The following PCDH7 variants were observed in gnomAD, a reference collection of about 807,000 sequenced individuals.
PCDH7 encodes protocadherin-7.
In PCDH7, 17 loss-of-function variants were observed where a neutral mutation model predicts 58.9. That is an observed-to-expected ratio of 0.29 (90% CI 0.20 to 0.43). The LOEUF is 0.43. PCDH7 is among the 20% of genes least tolerant of loss of function. PCDH7 has a pLI of 1.00. For missense variants in PCDH7, 1,274 were observed against 1,441.0 expected (o/e 0.88, Z 1.88); for synonymous variants, 664 against 616.4 (o/e 1.08, Z -1.14).
intron 3 of PCDH7, among the ~76,000 whole-genome samples, chr4:31,052,666 T>C (rs1756851725): frequency 6.6e-6 from 1 of 152,066 alleles, no homozygotes; most frequent in Admixed American, 6.6e-5. Flanking sequence ...ATCCTGAAAA[T>C]CTATCTGCAT....
chr4:30,760,492 C>G (rs1205123475), intron 1 of PCDH7, among the ~76,000 whole-genome samples: 1 of 152,128 alleles, frequency 6.6e-6, no homozygotes, highest in Non-Finnish European at 1.5e-5. Flanking sequence ...GCAACTTTAG[C>G]AAAGTCTCAA....
intron 1 of PCDH7, among the ~76,000 whole-genome samples, chr4:30,805,120 G>T (rs996194843): frequency 6.6e-6 from 1 of 152,088 alleles, no homozygotes; most frequent in African/African-American, 2.4e-5. Context: ...CTCCTTAATT[G>T]CTGACTACAT....
intron 1 of PCDH7, among the ~76,000 whole-genome samples, chr4:30,773,835 T>C (rs998419883): frequency 6.6e-6 from 1 of 152,136 alleles, no homozygotes; most frequent in Non-Finnish European, 1.5e-5. Context: ...TCTGACCACA[T>C]AATTCTGTGG....
chr4:30,920,409 GTGAGCC>G (rs1483158042), intron 2 of PCDH7, 40 bp downstream of exon 2: 1 of 1,330,326 alleles, frequency 7.5e-7, no homozygotes, highest in Non-Finnish European at 1.0e-6. Flanking sequence ...AATCACGCTA[GTGAGCC>G]GTAATAAGTA....
chr4:30,978,649 T>G (rs1750284205), intron 3 of PCDH7, among the ~76,000 whole-genome samples: 1 of 152,170 alleles, frequency 6.6e-6, no homozygotes, highest in South Asian at 2.1e-4. Context: ...ATTTTAAAAG[T>G]TGTTGTGACT....
At chr4:30,745,796 G>A (rs569986557) in intron 1 of PCDH7, among the ~76,000 whole-genome samples, 47 of 151,948 alleles carry the variant, frequency 3.1e-4, no homozygotes, top group African/African-American at 1.0e-3. Context: ...GTGTGTGTGC[G>A]TGCATGCACA....
chr4:31,109,020 TC>T (rs1715954318), intron 3 of PCDH7, among the ~76,000 whole-genome samples: 1 of 152,142 alleles, frequency 6.6e-6, no homozygotes, highest in African/African-American at 2.4e-5. Context: ...ATTTGTCCTT[TC>T]CTGGGACAAC....
intron 3 of PCDH7, among the ~76,000 whole-genome samples, chr4:31,015,319 A>T (rs1221644490): frequency 6.6e-6 from 1 of 152,200 alleles, no homozygotes; most frequent in South Asian, 2.1e-4. Context: ...TGCCAAGTCC[A>T]TGACAGTTGT....
At chr4:31,094,360 T>C (rs939688972) in intron 3 of PCDH7, among the ~76,000 whole-genome samples, 13 of 152,120 alleles carry the variant, frequency 8.5e-5, no homozygotes, top group Admixed American at 8.5e-4. Context: ...AAATGACAGA[T>C]TGCTCTATGA....
At chr4:30,944,886 T>C (rs1303549375) in intron 2 of PCDH7, among the ~76,000 whole-genome samples, 3 of 152,142 alleles carry the variant, frequency 2.0e-5, no homozygotes, top group Admixed American at 6.6e-5. Flanking sequence ...GGTTATGCTA[T>C]TGTGGTTATA....
intron 1 of PCDH7, among the ~76,000 whole-genome samples, chr4:30,910,951 A>G (rs1393587516): frequency 6.6e-6 from 1 of 152,194 alleles, no homozygotes. Context: ...ACTGTGGCAC[A>G]TACACACCAT....
chr4:31,129,891 G>A lies in PCDH7; in HGVS notation c.*8-12582G>A, dbSNP rs903241373. Reference sequence around the variant, plus strand: ...GATCCACCCACCTCGGCCTCCCAAAGTGTTGGGATTACAGTCACGAGCCAC... The same window carrying A: ...GATCCACCCACCTCGGCCTCCCAAAATGTTGGGATTACAGTCACGAGCCAC... On this transcript the variant is annotated intron_variant, in intron 3 of 3. Transcript: ENST00000509759. Among the ~76,000 whole-genome samples, 3 of 151,786 alleles carry A rather than the reference G, an allele frequency of 2.0e-5. 1 individual carries two copies. Among genetic ancestry groups the A allele is most frequent in the African/African-American group, 7.3e-5 (3 of 41,268 alleles).
chr4:30,917,584 A>T (rs910401834), intron 1 of PCDH7, among the ~76,000 whole-genome samples: 1 of 151,970 alleles, frequency 6.6e-6, no homozygotes, highest in African/African-American at 2.4e-5. Context: ...GAAAGAATTG[A>T]TGGATCTAAG....
At chr4:30,862,406 A>G (rs1196312305) in intron 1 of PCDH7, among the ~76,000 whole-genome samples, 1 of 152,172 alleles carries the variant, frequency 6.6e-6, no homozygotes, top group Non-Finnish European at 1.5e-5. Flanking sequence ...CTACATCCAC[A>G]ATGTAGAACA....
intron 1 of PCDH7, among the ~76,000 whole-genome samples, chr4:30,880,620 C>G (rs1021841026): frequency 6.6e-6 from 1 of 152,170 alleles, no homozygotes; most frequent in Non-Finnish European, 1.5e-5. Flanking sequence ...GTTCTATCTT[C>G]TTGCCTATTT....
chr4:31,001,468 A>G, intron 3 of PCDH7, among the ~76,000 whole-genome samples: 2 of 152,108 alleles, frequency 1.3e-5, no homozygotes, highest in East Asian at 3.9e-4. Flanking sequence ...ACTAAATCAG[A>G]GTGAAAATTT....
chr4:30,760,841 C>T (rs1255396974), intron 1 of PCDH7, among the ~76,000 whole-genome samples: 1 of 152,162 alleles, frequency 6.6e-6, no homozygotes, highest in East Asian at 1.9e-4. Flanking sequence ...GTGTGCCTTA[C>T]ACAGACACAT....
intron 3 of PCDH7, among the ~76,000 whole-genome samples, chr4:30,964,452 A>G (rs1049451697): frequency 2.0e-5 from 3 of 151,990 alleles, no homozygotes; most frequent in Non-Finnish European, 2.9e-5. Context: ...CGTGTTAGCC[A>G]GGATGGTGTC....
intron 1 of PCDH7, among the ~76,000 whole-genome samples, chr4:30,820,931 G>A (rs573454687): frequency 7.9e-5 from 12 of 152,110 alleles, no homozygotes; most frequent in Admixed American, 2.0e-4. Flanking sequence ...TGCACTGTTC[G>A]TATAATGGAA....
Sources: allele counts gnomAD v4.1 joint callset (sites outside exome capture counted in the v4.1 genomes callset), GRCh38; gene constraint gnomAD v4.1.1; transcripts MANE v1.5; gene names NCBI Gene and HGNC (gene_info 2026-07-23, HGNC 2026-07-21).